The following CSMD1 variants were observed in gnomAD, a reference collection of about 807,000 sequenced individuals.
The protein encoded by CSMD1 is CUB and sushi domain-containing protein 1.
CSMD1 carries 213 observed loss-of-function variants against 417.5 expected under a neutral mutation model. The observed-to-expected ratio is 0.51, with a 90% CI of 0.46 to 0.57. The LOEUF is 0.57. CSMD1 is among the 20% of genes least tolerant of loss of function. CSMD1 has a pLI of 0.00. For missense variants in CSMD1, 6,923 were observed against 4,529.7 expected (o/e 1.53, Z -15.17); for synonymous variants, 2,862 against 1,736.8 (o/e 1.65, Z -16.11).
intron 5 of CSMD1, among the ~76,000 whole-genome samples, chr8:3,816,489 T>G (rs1220611098): frequency 6.6e-6 from 1 of 152,176 alleles, no homozygotes; most frequent in Non-Finnish European, 1.5e-5. Flanking sequence ...TGTGCCTAAT[T>G]TATAAATTAA....
At chr8:4,515,651 A>G (rs2130367311) in intron 2 of CSMD1, among the ~76,000 whole-genome samples, 1 of 152,284 alleles carries the variant, frequency 6.6e-6, no homozygotes, top group South Asian at 2.1e-4. Flanking sequence ...ATGAGAACGG[A>G]TTCCCTCTAG....
At chr8:3,541,018 C>T (rs755785246) in intron 10 of CSMD1, among the ~76,000 whole-genome samples, 2 of 152,190 alleles carry the variant, frequency 1.3e-5, no homozygotes, top group Non-Finnish European at 2.9e-5. Flanking sequence ...ACCCAGCAAT[C>T]CCATTACTGG....
At chr8:3,666,916 C>T (rs1215522324) in intron 7 of CSMD1, among the ~76,000 whole-genome samples, 1 of 152,154 alleles carries the variant, frequency 6.6e-6, no homozygotes. Context: ...TGCTATGGTG[C>T]ACATGATTTA....
chr8:3,797,148 A>C (rs78895752), intron 5 of CSMD1, among the ~76,000 whole-genome samples: 1 of 151,968 alleles, frequency 6.6e-6, no homozygotes, highest in Non-Finnish European at 1.5e-5. Flanking sequence ...AATACAGTCA[A>C]CATAATAATT....
intron 3 of CSMD1, among the ~76,000 whole-genome samples, chr8:4,282,628 G>C (rs758615324): frequency 3.3e-5 from 5 of 152,196 alleles, no homozygotes; most frequent in African/African-American, 1.2e-4. Flanking sequence ...TTAGTATATT[G>C]TATGCATTCA....
intron 3 of CSMD1, among the ~76,000 whole-genome samples, chr8:4,371,427 G>C (rs373818794): frequency 9.9e-5 from 15 of 152,160 alleles, no homozygotes; most frequent in African/African-American, 2.4e-4. Flanking sequence ...TAAGCATTAG[G>C]TTTTTAAGGA....
chr8:3,699,860 C>T (rs1461632435), intron 7 of CSMD1, among the ~76,000 whole-genome samples: 2 of 152,126 alleles, frequency 1.3e-5, no homozygotes, highest in African/African-American at 4.8e-5. Flanking sequence ...CCCATAACTA[C>T]ATCCCTGGGT....
intron 3 of CSMD1, among the ~76,000 whole-genome samples, chr8:4,275,724 T>G (rs560195197): frequency 2.4e-4 from 37 of 152,312 alleles, no homozygotes; most frequent in Non-Finnish European, 3.8e-4. Flanking sequence ...CCATTCACAA[T>G]GAGTATAACT....
intron 2 of CSMD1, among the ~76,000 whole-genome samples, chr8:4,542,595 A>AT: frequency 6.6e-6 from 1 of 152,278 alleles, no homozygotes; most frequent in South Asian, 2.1e-4. Context: ...TGCTAACGCA[A>AT]TTTTTTTCAA....
At position 3,984,091 on chromosome 8, in the gene CSMD1, A is replaced by G. The variant is rs201696080; in HGVS notation, c.818+13812T>C. Among the ~76,000 whole-genome samples, 26 of 21,848 alleles carry G rather than the reference A, an allele frequency of 1.2e-3. 1 individual carries two copies. The East Asian group carries it at 0.022, about 19-fold the overall frequency. 14.3% of individuals were successfully genotyped at this position (21,848 alleles called of 152,430 possible). On this transcript the variant is annotated intron_variant, in intron 5 of 69. Transcript: ENST00000635120. ...CTCTAGAGCACACCACAGATCTAAC[A>G]GGGCTGTCAATAGCAACTCTAGAGC... is the stretch of plus-strand genomic sequence containing the variant.
At chr8:4,226,290 A>G (rs991510618) in intron 3 of CSMD1, among the ~76,000 whole-genome samples, 1 of 152,220 alleles carries the variant, frequency 6.6e-6, no homozygotes, top group Non-Finnish European at 1.5e-5. Context: ...TTTGGATAAA[A>G]TAGTTGTTGA....
chr8:3,281,701 C>T (rs765327398), intron 26 of CSMD1, among the ~76,000 whole-genome samples: 2 of 152,132 alleles, frequency 1.3e-5, no homozygotes, highest in African/African-American at 4.8e-5. Flanking sequence ...AGGCAGAACA[C>T]AGGGAATTGT....
chr8:4,251,252 C>A (rs1293787335), intron 3 of CSMD1, among the ~76,000 whole-genome samples: 1 of 152,106 alleles, frequency 6.6e-6, no homozygotes, highest in African/African-American at 2.4e-5. Flanking sequence ...TCACCAATCA[C>A]ATGGGTATAT....
At chr8:3,656,687 G>T (rs1378681456) in intron 7 of CSMD1, among the ~76,000 whole-genome samples, 1 of 152,146 alleles carries the variant, frequency 6.6e-6, no homozygotes, top group Non-Finnish European at 1.5e-5. Context: ...CAGCACTTTG[G>T]GAGGCTGAGG....
chr8:3,300,363 T>A (rs911768469), intron 25 of CSMD1, among the ~76,000 whole-genome samples: 1 of 151,936 alleles, frequency 6.6e-6, no homozygotes, highest in Non-Finnish European at 1.5e-5. Context: ...ATTTAGGGGT[T>A]TTTTTTTCTG....
rs114207761 is a variant in CSMD1, at chr8:4,465,689, C to G, written c.303-45624G>C. Among the ~76,000 whole-genome samples, 314 of 152,198 alleles carry G rather than the reference C, an allele frequency of 2.1e-3. 2 individuals are homozygous for G. Among genetic ancestry groups the G allele is most frequent in the African/African-American group, 7.3e-3 (304 of 41,530 alleles). On this transcript the variant is annotated intron_variant, in intron 2 of 69. Coordinates refer to ENST00000635120, the MANE Select transcript of CSMD1 (RefSeq NM_033225.6). ...GATGAAATTCACTTTATTGCTCTGA[C>G]CATTAAAGGAAGAAGAATGGTAGGA...
intron 3 of CSMD1, among the ~76,000 whole-genome samples, chr8:4,227,374 A>T (rs1801423192): frequency 6.6e-6 from 1 of 152,082 alleles, no homozygotes; most frequent in East Asian, 1.9e-4. Context: ...ACATTTTAAG[A>T]ACCCTATTCT....
intron 37 of CSMD1, among the ~76,000 whole-genome samples, chr8:3,180,274 T>A (rs1033094279): frequency 1.3e-5 from 2 of 152,202 alleles, no homozygotes; most frequent in African/African-American, 4.8e-5. Flanking sequence ...CTGTCTCACA[T>A]CCATCTTTAA....
chr8:4,600,332 T>C (rs1800516109), intron 2 of CSMD1, among the ~76,000 whole-genome samples: 1 of 152,138 alleles, frequency 6.6e-6, no homozygotes, highest in African/African-American at 2.4e-5. Flanking sequence ...AAATGGAAAG[T>C]TAGTCATAGC....
Sources: gnomAD v4.1 joint callset for allele counts (sites outside exome capture counted in the v4.1 genomes callset) on GRCh38, gnomAD v4.1.1 for gene constraint, MANE v1.5 for transcripts, NCBI Gene and HGNC (gene_info 2026-07-23, HGNC 2026-07-21) for gene names.